CDCA7L: variants seen among roughly 807,000 people sequenced by gnomAD.
The protein encoded by CDCA7L is cell division cycle associated 7 like.
In CDCA7L, 44 loss-of-function variants were observed where a neutral mutation model predicts 57.4. That is an observed-to-expected ratio of 0.77 (90% CI 0.60 to 0.98). The LOEUF (loss-of-function observed/expected upper bound fraction) is 0.98. CDCA7L is among the 50% of genes least tolerant of loss of function. CDCA7L has a pLI of 0.00. For missense variants in CDCA7L, 644 were observed against 580.6 expected, an observed-to-expected ratio of 1.11 and a Z score of -1.12; for synonymous variants, 236 against 202.8, an observed-to-expected ratio of 1.16 and a Z score of -1.39.
intron 9 of CDCA7L, 182 bp from the exon 10 acceptor site, chr7:21,902,534 T>C: frequency 1.6e-6 from 1 of 614,548 alleles, no homozygotes; most frequent in Non-Finnish European, 2.9e-6. Context: ...GCCCCAAGCA[T>C]GACTTGCCTC....
Position 21,900,900 on chromosome 7 carries a change from A to ATGACAAAACCAGAATGTTGAATGTT in CDCA7L, c.*1397_*1421dup. ...AAAAATACCACTGACAAGCAAAAAT[A>ATGACAAAACCAGAATGTTGAATGTT]TGACAAAACCAGAATGTTGAATGTT... On this transcript the variant is annotated 3_prime_UTR_variant, in exon 10 of 10. Transcript: ENST00000406877. The ATGACAAAACCAGAATGTTGAATGTT allele has an allele frequency of 6.8e-7, 1 of 1,474,688 alleles. No homozygotes were observed. The highest frequency in any genetic ancestry group is 9.0e-7 in the Non-Finnish European group (1 of 1,112,366). The allele number at this position is 1,474,688 out of a possible 1,614,324, so 91.4% of individuals were successfully genotyped here. A position where few individuals can be genotyped will look rare whatever the true frequency, so the allele number is the denominator to read the frequency against.
rs1410237030 is a variant in CDCA7L, at chr7:21,906,467, G to C, written c.754-11C>G. On this transcript the variant is annotated splice_polypyrimidine_tract_variant and intron_variant, in intron 5 of 9. Coordinates refer to ENST00000406877, the MANE Select transcript of CDCA7L (RefSeq NM_018719.5). ...CACTGTCTTCTTCCTCTGAAATCAA[G>C]AGCACAGACAGAGACAACTGGGGAC... 1.9e-6 allele frequency: 3 copies of C among 1,609,188 alleles called. No individual in the cohort carries two copies. Among genetic ancestry groups the C allele is most frequent in the Admixed American group, 1.7e-5 (1 of 59,418 alleles).
intron 1 of CDCA7L, among the ~76,000 whole-genome samples, chr7:21,925,908 T>A (rs1463027143): frequency 6.6e-6 from 1 of 152,034 alleles, no homozygotes; most frequent in Non-Finnish European, 1.5e-5. Flanking sequence ...ATCATCAGAT[T>A]GTGATGGGAT....
intron 1 of CDCA7L, among the ~76,000 whole-genome samples, chr7:21,936,493 C>G (rs1786170286): frequency 1.3e-5 from 2 of 152,136 alleles, no homozygotes; most frequent in Non-Finnish European, 2.9e-5. Flanking sequence ...GGCATTTATT[C>G]TAGGAATGCA....
chr7:21,903,132 G>GCAGA lies in CDCA7L; in HGVS notation c.1198-22_1198-19dup, dbSNP rs543321408. On this transcript the variant is annotated intron_variant, in intron 8 of 9. Transcript: ENST00000406877. Reference sequence around the variant, plus strand: ...ACCCAATCCTAACAGAGAGATGACAGCAGACACTTCGCTCATTATCTACAG... The same window carrying GCAGA: ...ACCCAATCCTAACAGAGAGATGACAGCAGACAGACACTTCGCTCATTATCTACAG... The GCAGA allele has an allele frequency of 1.3e-3, 2,063 of 1,609,456 alleles. 20 individuals are homozygous for GCAGA. The African/African-American group carries it at 0.023, about 18-fold the overall frequency.
intron 4 of CDCA7L, among the ~76,000 whole-genome samples, chr7:21,907,846 A>G (rs1055697968): frequency 1.3e-5 from 2 of 152,122 alleles, no homozygotes; most frequent in Non-Finnish European, 2.9e-5. Flanking sequence ...CAACACAACT[A>G]TATACTTAGA....
At chr7:21,945,527 G>A (rs1338034808) in intron 1 of CDCA7L, among the ~76,000 whole-genome samples, 3 of 152,132 alleles carry the variant, frequency 2.0e-5, no homozygotes, top group Non-Finnish European at 4.4e-5. Context: ...GGCCACCCGA[G>A]ACTGAGCAGA....
At chr7:21,917,586 A>G (rs1225295521) in intron 1 of CDCA7L, among the ~76,000 whole-genome samples, 2 of 152,238 alleles carry the variant, frequency 1.3e-5, no homozygotes, top group African/African-American at 4.8e-5. Flanking sequence ...CAGAAATGTG[A>G]AAAAATAGTA....
chr7:21,932,504 T>A (rs1229590836), intron 1 of CDCA7L, among the ~76,000 whole-genome samples: 1 of 152,152 alleles, frequency 6.6e-6, no homozygotes, highest in Non-Finnish European at 1.5e-5. Flanking sequence ...ACCACACATC[T>A]ACAGCCATCT....
chr7:21,917,487 C>T (rs936188087), intron 1 of CDCA7L, among the ~76,000 whole-genome samples: 14 of 152,202 alleles, frequency 9.2e-5, no homozygotes, highest in Admixed American at 7.8e-4. Context: ...TGTCAGCACA[C>T]TTAATCCACA....
rs1583831299 is a variant in CDCA7L at position 21,901,348 on chromosome 7, T to TTAGTAAC, written c.*967_*973dup. On this transcript the variant is annotated 3_prime_UTR_variant, in exon 10 of 10. Transcript: ENST00000406877. ...TTCCCATGCACATTATTCTAACTTT[T>TTAGTAAC]TAGTAACTCACACGTGCATTCTTTT... 4 of 1,421,140 alleles carry TTAGTAAC rather than the reference T, an allele frequency of 2.8e-6. No homozygotes were observed. In the East Asian group the frequency reaches 9.8e-5, roughly 35 times the overall value. 88.0% of individuals were successfully genotyped at this position (1,421,140 alleles called of 1,614,324 possible).
intron 6 of CDCA7L, 70 bp downstream of exon 6, chr7:21,906,219 T>C: frequency 2.1e-6 from 3 of 1,446,260 alleles, no homozygotes; most frequent in Non-Finnish European, 2.8e-6. Context: ...GGGGTGACAG[T>C]GACGTGCGTT....
At chr7:21,929,956 G>A (rs1373357131) in intron 1 of CDCA7L, among the ~76,000 whole-genome samples, 2 of 152,080 alleles carry the variant, frequency 1.3e-5, no homozygotes, top group Non-Finnish European at 2.9e-5. Context: ...CACAGCTCTG[G>A]ACCAAGCAGA....
chr7:21,907,961 G>A (rs1274483563), intron 4 of CDCA7L, among the ~76,000 whole-genome samples, 169 bp downstream of exon 4: 1 of 152,202 alleles, frequency 6.6e-6, no homozygotes, highest in African/African-American at 2.4e-5. Flanking sequence ...TCATGTAATA[G>A]TTGCTCTGGG....
intron 2 of CDCA7L, among the ~76,000 whole-genome samples, chr7:21,915,988 C>T (rs1355976381): frequency 6.6e-6 from 1 of 152,114 alleles, no homozygotes; most frequent in African/African-American, 2.4e-5. Context: ...TCTCAGAAAG[C>T]ACAGCTCCCA....
At position 21,912,920 on chromosome 7, in the gene CDCA7L, AAG is replaced by A. The variant is rs1051967327; in HGVS notation, c.166-1168_166-1167del. Among the ~76,000 whole-genome samples, 126 of 152,304 alleles carry A rather than the reference AAG, an allele frequency of 8.3e-4. 1 individual carries two copies. Among genetic ancestry groups the A allele is most frequent in the African/African-American group, 2.8e-3 (117 of 41,558 alleles). On this transcript the variant is annotated intron_variant, in intron 2 of 9. Coordinates refer to ENST00000406877, the MANE Select transcript of CDCA7L (RefSeq NM_018719.5). ...CTCTCTTAATAGTATACTTGAAAGA[AAG>A]AGGAAATAACAAACTGCAGGCCAAA...
chr7:21,904,000 A>C, intron 8 of CDCA7L, 110 bp downstream of exon 8: 1 of 1,060,380 alleles, frequency 9.4e-7, no homozygotes. Flanking sequence ...GGAAGGGAAA[A>C]ACCAGAGTTC....
Position 21,908,478 on chromosome 7 carries a change from GCCAT to G in CDCA7L, c.329_332del (p.Asp110AlafsTer6). 6.5e-7 allele frequency: 1 copy of G among 1,541,316 alleles called. No homozygotes were observed. The highest frequency in any genetic ancestry group is 8.7e-7 in the Non-Finnish European group (1 of 1,150,876). ...CTTCCTCGCTCACCAAAGATGCTTT[GCCAT>G]CATCACTCAAATCTGACTCCACGAC... On this transcript the variant is annotated frameshift_variant, in exon 4 of 10. Transcript: ENST00000406877. LOFTEE classifies it high-confidence loss of function.
At chr7:21,911,375 A>G (rs1000751519) in intron 3 of CDCA7L, among the ~76,000 whole-genome samples, 4 of 152,096 alleles carry the variant, frequency 2.6e-5, no homozygotes, top group Non-Finnish European at 5.9e-5. Context: ...CCTGGGACAC[A>G]TCCCCAAAAA....
Sources: allele counts gnomAD v4.1 joint callset (sites outside exome capture counted in the v4.1 genomes callset), GRCh38; gene constraint gnomAD v4.1.1; transcripts MANE v1.5; gene names NCBI Gene and HGNC (gene_info 2026-07-23, HGNC 2026-07-21).